IGFBP7: variants seen among roughly 807,000 people sequenced by gnomAD.
IGFBP7 encodes insulin like growth factor binding protein 7, also known as insulin-like growth factor-binding protein 7.
A neutral mutation model predicts 29.4 loss-of-function variants in IGFBP7; 31 were observed. That is an observed-to-expected ratio of 1.05 (90% CI 0.79 to 1.42). IGFBP7 has a LOEUF of 1.42. Among genes scored for constraint, IGFBP7 ranks in the 40% most tolerant of loss-of-function variants. IGFBP7 has a pLI of 0.00. For missense variants in IGFBP7, 393 were observed against 395.5 expected, an observed-to-expected ratio of 0.99 and a Z score of 0.05; for synonymous variants, 172 against 174.9, an observed-to-expected ratio of 0.98 and a Z score of 0.13.
At chr4:57,101,691 C>A (rs1176781077) in intron 1 of IGFBP7, among the ~76,000 whole-genome samples, 1 of 151,684 alleles carries the variant, frequency 6.6e-6, no homozygotes, top group African/African-American at 2.4e-5. Context: ...ACGTTTCCCC[C>A]CCTCCCCCCA....
intron 1 of IGFBP7, 189 bp downstream of exon 1, chr4:57,109,688 G>A (rs900837902): frequency 1.5e-6 from 1 of 651,316 alleles, no homozygotes; most frequent in Non-Finnish European, 2.5e-6. Flanking sequence ...AAAAGGAGAA[G>A]GGGGGGCGTC....
At chr4:57,038,136 C>A (rs1007192817) in intron 2 of IGFBP7, among the ~76,000 whole-genome samples, 2 of 152,196 alleles carry the variant, frequency 1.3e-5, no homozygotes, top group Admixed American at 6.5e-5. Flanking sequence ...ACAAACCAGG[C>A]GGATTCACGC....
At chr4:57,043,544 G>A (rs1276023352) in intron 1 of IGFBP7, among the ~76,000 whole-genome samples, 2 of 152,178 alleles carry the variant, frequency 1.3e-5, no homozygotes, top group Non-Finnish European at 2.9e-5. Context: ...TGACCCCAGT[G>A]TGCAAGATTT....
intron 1 of IGFBP7, among the ~76,000 whole-genome samples, chr4:57,084,057 C>A (rs1052170795): frequency 3.3e-5 from 5 of 152,096 alleles, no homozygotes; most frequent in African/African-American, 1.2e-4. Context: ...CAGTAAAATA[C>A]AAATATACCC....
chr4:57,089,674 G>A (rs1035854877), intron 1 of IGFBP7, among the ~76,000 whole-genome samples: 2 of 152,150 alleles, frequency 1.3e-5, no homozygotes, highest in African/African-American at 4.8e-5. Flanking sequence ...CCCAGCTATG[G>A]CAGACAATGT....
chr4:57,093,947 C>A (rs1725696684), intron 1 of IGFBP7, among the ~76,000 whole-genome samples: 1 of 152,068 alleles, frequency 6.6e-6, no homozygotes, highest in Non-Finnish European at 1.5e-5. Flanking sequence ...TTTTCCCCTT[C>A]CAGTAGAAAT....
intron 1 of IGFBP7, among the ~76,000 whole-genome samples, chr4:57,049,895 T>C (rs1384508792): frequency 6.6e-6 from 1 of 152,218 alleles, no homozygotes; most frequent in Non-Finnish European, 1.5e-5. Context: ...GCCACTGTCT[T>C]GAAAATGCAC....
intron 1 of IGFBP7, among the ~76,000 whole-genome samples, chr4:57,054,939 T>A (rs1713967): frequency 0.83 from 125,560 of 151,866 alleles, 52,385 homozygotes; most frequent in East Asian, 0.94. Context: ...GACACGTGTT[T>A]AGCACCACTC....
chr4:57,076,582 G>T (rs1446637474), intron 1 of IGFBP7, among the ~76,000 whole-genome samples: 2 of 152,206 alleles, frequency 1.3e-5, no homozygotes, highest in African/African-American at 4.8e-5. Context: ...TGCAGCACTG[G>T]CTCCCTTCCA....
At chr4:57,037,481 T>A (rs1724109090) in intron 2 of IGFBP7, among the ~76,000 whole-genome samples, 1 of 151,388 alleles carries the variant, frequency 6.6e-6, no homozygotes, top group Non-Finnish European at 1.5e-5. Context: ...GCTCAAGCGA[T>A]CCTCCCACCT....
rs770830261 is a variant in IGFBP7 at position 57,040,902 on chromosome 4, G to A, written c.507C>T (p.Ile169=). The A allele has an allele frequency of 6.2e-7, 1 of 1,614,100 alleles. No homozygotes were observed. The highest frequency in any genetic ancestry group is 2.2e-5 in the East Asian group (1 of 44,880). ...ACACCTGGGCACCAGTGACATTCCA[G>A]ATGTCCTTGGGGGGCGTCACTATGG... The part of the protein sequence containing the change: ...GPSIVTPPKD[I]WNVTGAQVYL... Residue 169 remains isoleucine, a synonymous_variant, in exon 2 of 5, where the codon ATC becomes ATT. Transcript: ENST00000295666.
intron 1 of IGFBP7, 44 bp downstream of exon 1, chr4:57,109,833 G>A (rs1375515960): frequency 2.0e-6 from 3 of 1,520,060 alleles, no homozygotes; most frequent in African/African-American, 2.8e-5. Flanking sequence ...GCCCTTCGCT[G>A]GGCCGAGCGG....
At chr4:57,084,887 C>T (rs968421365) in intron 1 of IGFBP7, among the ~76,000 whole-genome samples, 1 of 141,066 alleles carries the variant, frequency 7.1e-6, no homozygotes, top group Non-Finnish European at 1.5e-5. Flanking sequence ...GACTCCTGGG[C>T]TCAGTTTGTC....
intron 2 of IGFBP7, 30 bp from the exon 3 acceptor site, chr4:57,033,341 G>A: frequency 7.2e-7 from 1 of 1,392,368 alleles, no homozygotes; most frequent in Non-Finnish European, 1.0e-6. Context: ...GTAATACTGA[G>A]TTTTGTACAC....
At chr4:57,093,640 C>T (rs958175620) in intron 1 of IGFBP7, among the ~76,000 whole-genome samples, 4 of 151,868 alleles carry the variant, frequency 2.6e-5, no homozygotes, top group African/African-American at 9.7e-5. Flanking sequence ...TACACATTTG[C>T]CAGGGAGCTA....
chr4:57,109,654 C>T (rs1039489907), intron 1 of IGFBP7: 1 of 589,616 alleles, frequency 1.7e-6, no homozygotes, highest in Non-Finnish European at 2.9e-6. Context: ...ACGCACGCAG[C>T]AAACTCTCAA....
intron 1 of IGFBP7, among the ~76,000 whole-genome samples, chr4:57,104,621 G>T (rs372391568): frequency 1.3e-5 from 2 of 152,106 alleles, no homozygotes; most frequent in Non-Finnish European, 2.9e-5. Flanking sequence ...AAAGAATGGA[G>T]GTTTAAAACT....
chr4:57,072,766 C>T, intron 1 of IGFBP7: 2 of 518,394 alleles, frequency 3.9e-6, no homozygotes, highest in South Asian at 3.0e-5. Context: ...AATCAGGCAA[C>T]CTTTTCAAAT....
At chr4:57,082,164 T>C (rs1725386198) in intron 1 of IGFBP7, among the ~76,000 whole-genome samples, 1 of 152,156 alleles carries the variant, frequency 6.6e-6, no homozygotes, top group Admixed American at 6.5e-5. Flanking sequence ...GAAGCAATGA[T>C]CTAGGAGGTC....
Sources: allele counts gnomAD v4.1 joint callset (sites outside exome capture counted in the v4.1 genomes callset), GRCh38; gene constraint gnomAD v4.1.1; transcripts MANE v1.5; gene names NCBI Gene and HGNC (gene_info 2026-07-23, HGNC 2026-07-21).